The following PRKG1 variants were observed in gnomAD, a reference collection of about 807,000 sequenced individuals.
The protein encoded by PRKG1 is cGMP-dependent protein kinase 1.
PRKG1 carries 35 observed loss-of-function variants against 88.1 expected under a neutral mutation model. The observed-to-expected ratio is 0.40, with a 90% CI of 0.30 to 0.53. The LOEUF is 0.53. PRKG1 is among the 20% of genes least tolerant of loss of function. PRKG1 has a pLI of 0.59. For missense variants in PRKG1, 540 were observed against 839.8 expected, an observed-to-expected ratio of 0.64 and a Z score of 4.41; for synonymous variants, 303 against 292.5, an observed-to-expected ratio of 1.04 and a Z score of -0.37.
intron 5 of PRKG1, among the ~76,000 whole-genome samples, chr10:52,031,764 G>A (rs1845480263): frequency 6.6e-6 from 1 of 152,132 alleles, no homozygotes; most frequent in Non-Finnish European, 1.5e-5. Context: ...AAGAACAAAA[G>A]GTAGAATGAT....
At chr10:51,042,610 T>C (rs1843438379) in intron 1 of PRKG1, among the ~76,000 whole-genome samples, 1 of 152,150 alleles carries the variant, frequency 6.6e-6, no homozygotes, top group Non-Finnish European at 1.5e-5. Flanking sequence ...GAATTTCCAC[T>C]AAGATCTGTC....
intron 3 of PRKG1, chr10:51,697,584 TAGG>T (rs1345856369): frequency 4.9e-6 from 5 of 1,016,794 alleles, no homozygotes; most frequent in African/African-American, 4.9e-5. Flanking sequence ...GATTAGGTTC[TAGG>T]AGGAGGGAAA....
At chr10:52,110,299 T>A (rs1465620615) in intron 7 of PRKG1, among the ~76,000 whole-genome samples, 3 of 152,098 alleles carry the variant, frequency 2.0e-5, no homozygotes. Flanking sequence ...GCCACTGCAC[T>A]CCAGCCTGCG....
intron 2 of PRKG1, among the ~76,000 whole-genome samples, chr10:51,460,345 T>C (rs1466064733): frequency 1.3e-5 from 2 of 152,124 alleles, no homozygotes; most frequent in African/African-American, 4.8e-5. Context: ...CTCTAAGCAA[T>C]TACGGAAATA....
At position 51,978,806 on chromosome 10, in the gene PRKG1, G is replaced by A. The variant is rs75217766; in HGVS notation, c.762+71236G>A. On this transcript the variant is annotated intron_variant, in intron 5 of 17. Coordinates refer to ENST00000373980, the MANE Select transcript of PRKG1 (RefSeq NM_006258.4). ...AAATGCTAGTGATTTTTTGTATGTT[G>A]ATTTTGTTTCCTGAGACTTTGCTGA... Among the ~76,000 whole-genome samples, 752 of 152,066 alleles carry A rather than the reference G, an allele frequency of 4.9e-3. 8 individuals carry two copies. Among genetic ancestry groups the A allele is most frequent in the African/African-American group, 0.017 (719 of 41,514 alleles).
chr10:51,400,699 T>G (rs1309644321), intron 2 of PRKG1, among the ~76,000 whole-genome samples: 3 of 152,228 alleles, frequency 2.0e-5, no homozygotes, highest in Admixed American at 6.5e-5. Flanking sequence ...GGCACAAATG[T>G]TTTCCCTTTG....
At chr10:51,722,190 C>T (rs1391034768) in intron 3 of PRKG1, among the ~76,000 whole-genome samples, 1 of 151,674 alleles carries the variant, frequency 6.6e-6, no homozygotes, top group Admixed American at 6.6e-5. Flanking sequence ...GATCGTGCCA[C>T]TGCACTCCAG....
chr10:52,003,730 A>T (rs1844658080), intron 5 of PRKG1, among the ~76,000 whole-genome samples: 1 of 152,186 alleles, frequency 6.6e-6, no homozygotes, highest in African/African-American at 2.4e-5. Context: ...GCTGTTATGG[A>T]TACATATAGG....
chr10:52,157,940 T>G (rs1350249603), intron 8 of PRKG1, among the ~76,000 whole-genome samples: 1 of 151,650 alleles, frequency 6.6e-6, no homozygotes, highest in East Asian at 1.9e-4. Flanking sequence ...CCATGCTCCT[T>G]AAAGTATTAT....
chr10:51,177,435 T>G (rs769791651), intron 2 of PRKG1, among the ~76,000 whole-genome samples: 5 of 152,214 alleles, frequency 3.3e-5, no homozygotes, highest in Non-Finnish European at 7.4e-5. Flanking sequence ...CTTTGCTTAT[T>G]TCTGATATGA....
intron 3 of PRKG1, among the ~76,000 whole-genome samples, chr10:51,478,398 CT>C (rs1840260456): frequency 6.6e-6 from 1 of 152,060 alleles, no homozygotes; most frequent in Admixed American, 6.6e-5. Context: ...GGTAAAGCTG[CT>C]GGTGATGGCC....
chr10:52,245,082 G>C (rs981084764), intron 9 of PRKG1, among the ~76,000 whole-genome samples: 1 of 150,494 alleles, frequency 6.6e-6, no homozygotes, highest in African/African-American at 2.4e-5. Flanking sequence ...ATTAAATCAG[G>C]AACAATTATC....
At chr10:51,719,156 A>AAAAAAAGAG in intron 3 of PRKG1, among the ~76,000 whole-genome samples, 1 of 150,312 alleles carries the variant, frequency 6.7e-6, no homozygotes, top group African/African-American at 2.4e-5. Context: ...TCTCAAAAAA[A>AAAAAAAGAG]AGAGAGAGAG....
At position 52,297,162 on chromosome 10, in the gene PRKG1, T is replaced by G. The variant is rs957990565; in HGVS notation, c.*3262T>G. The G allele has an allele frequency of 6.6e-6, 1 of 152,186 alleles. No homozygotes were observed. Among genetic ancestry groups the G allele is most frequent in the African/African-American group, 2.4e-5 (1 of 41,470 alleles). The allele number at this position is 152,186 out of a possible 1,614,324, so 9.4% of individuals were successfully genotyped here. On this transcript the variant is annotated 3_prime_UTR_variant, in exon 18 of 18. Coordinates refer to ENST00000373980, the MANE Select transcript of PRKG1 (RefSeq NM_006258.4). ...ATAGGTATTTTTGTGTGATATTTTG[T>G]GGTACATATAACTTTTTTTAGTGTT...
chr10:51,456,897 T>C (rs1215693004), intron 2 of PRKG1, among the ~76,000 whole-genome samples: 1 of 152,082 alleles, frequency 6.6e-6, no homozygotes, highest in Non-Finnish European at 1.5e-5. Context: ...ACCACCTTAC[T>C]CCTACAAGAA....
At position 51,963,932 on chromosome 10, in the gene PRKG1, G is replaced by A. The variant is rs186855268; in HGVS notation, c.762+56362G>A. On this transcript the variant is annotated intron_variant, in intron 5 of 17. Transcript: ENST00000373980. Reference sequence around the variant, plus strand: ...CAAATTACTACATAACAACATAAATGTATTATTTTATAGTCCTGGAGATCA... The same window carrying A: ...CAAATTACTACATAACAACATAAATATATTATTTTATAGTCCTGGAGATCA... Among the ~76,000 whole-genome samples the A allele has an allele frequency of 1.4e-4, 22 of 152,198 alleles. 1 individual carries two copies. In the East Asian group the frequency reaches 4.0e-3, roughly 28 times the overall value.
chr10:51,171,974 A>G (rs966279066), intron 2 of PRKG1, among the ~76,000 whole-genome samples: 1 of 151,008 alleles, frequency 6.6e-6, no homozygotes, highest in African/African-American at 2.4e-5. Flanking sequence ...ATTTTAATGT[A>G]TCTTCATTAC....
In PRKG1 at chr10:51,386,185, G is replaced by C. The variant is rs144673707; in HGVS notation, c.479-81538G>C. Among the ~76,000 whole-genome samples, 191 of 152,160 alleles carry C rather than the reference G, an allele frequency of 1.3e-3. 1 individual carries two copies. The highest frequency in any genetic ancestry group is 3.4e-3 in the Middle Eastern group (1 of 294). On this transcript the variant is annotated intron_variant, in intron 2 of 17. Transcript: ENST00000373980. The stretch of plus-strand genomic sequence containing the variant: ...GATGTTTCAGTCTTTCAGATCCCAT[G>C]GTGAACTGAGAGCAATAAAATATTG...
chr10:51,785,516 A>G (rs1264939789), intron 3 of PRKG1, among the ~76,000 whole-genome samples: 1 of 152,126 alleles, frequency 6.6e-6, no homozygotes, highest in Non-Finnish European at 1.5e-5. Context: ...CGCAACTTGT[A>G]ACAACTTAAT....
Sources: gnomAD v4.1 joint callset for allele counts (sites outside exome capture counted in the v4.1 genomes callset) on GRCh38, gnomAD v4.1.1 for gene constraint, MANE v1.5 for transcripts, NCBI Gene and HGNC (gene_info 2026-07-23, HGNC 2026-07-21) for gene names.